Variants in HERC1 observed in about 807,000 individuals in gnomAD.
The protein encoded by HERC1 is HECT and RLD domain containing E3 ubiquitin protein ligase family member 1.
A neutral mutation model predicts 554.3 loss-of-function variants in HERC1; 160 were observed. The ratio of observed to expected loss-of-function variants is 0.29; its 90% CI spans 0.25 to 0.33. The LOEUF (loss-of-function observed/expected upper bound fraction) is 0.33, where lower values mean the gene tolerates loss of function less well. HERC1 is among the 10% of genes least tolerant of loss of function. The pLI is 1.00. For synonymous variants in HERC1, 2,175 were observed against 2,131.7 expected, an observed-to-expected ratio of 1.02 and a Z score of -0.56; for missense variants, 4,919 against 5,918.5, an observed-to-expected ratio of 0.83 and a Z score of 5.54.
rs190696191 is a variant in HERC1, at chr15:63,649,158, T to G, written c.10747+567A>C. Among the ~76,000 whole-genome samples the G allele has an allele frequency of 1.9e-3, 283 of 152,118 alleles. 1 individual carries two copies. Among genetic ancestry groups the G allele is most frequent in the African/African-American group, 3.5e-3 (147 of 41,510 alleles). On this transcript the variant is annotated intron_variant, in intron 54 of 77. Coordinates refer to ENST00000443617, the MANE Select transcript of HERC1 (RefSeq NM_003922.4). ...TCACAAGGTGAGGAGATCGAGACCA[T>G]CCTGGCCAACATGGTGAAACCCTGT...
At position 63,678,099 on chromosome 15, in the gene HERC1, C is replaced by T. The variant is rs374040576; in HGVS notation, c.6816G>A (p.Glu2272=). 9 of 1,613,852 alleles carry T rather than the reference C, an allele frequency of 5.6e-6. No homozygotes were observed. The highest frequency in any genetic ancestry group is 1.6e-4 in the Middle Eastern group (1 of 6,084). ...QSREENEMRE[E]KESKEEEKGK... is the part of the protein sequence containing the mutation. ...CTTTCTCTTCCTCTTTGCTCTCCTT[C>T]TCCTCTCTCATTTCATTTTCCTCTC... Residue 2272 remains glutamate, a synonymous_variant, in exon 37 of 78, where the codon GAG becomes GAA. Coordinates refer to ENST00000443617, the MANE Select transcript of HERC1 (RefSeq NM_003922.4).
Position 63,651,233 on chromosome 15 carries a change from A to T in HERC1, c.10546+20T>A. The T allele has an allele frequency of 6.2e-7, 1 of 1,612,052 alleles. No homozygotes were observed. The highest frequency in any genetic ancestry group is 2.2e-5 in the East Asian group (1 of 44,848). ...AAAAAACTACTTTCAGCAGTTTACT[A>T]GTGTTTACATGACTCTTACCATTAA... On this transcript the variant is annotated intron_variant, in intron 53 of 77. Transcript: ENST00000443617.
Position 63,698,335 on chromosome 15 carries a change from T to C in HERC1, c.4905+393A>G, listed in dbSNP as rs546462188. Among the ~76,000 whole-genome samples, 5 of 151,620 alleles carry C rather than the reference T, an allele frequency of 3.3e-5. No homozygotes were observed. The South Asian group carries it at 1.0e-3, about 32-fold the overall frequency. On this transcript the variant is annotated intron_variant, in intron 26 of 77. Transcript: ENST00000443617. Reference sequence around the variant, plus strand: ...CTGGAGGCTGAGGCAGGAGAATCACTTGAACCCAGGAGGCAGAGGTTCCAG... The same window carrying C: ...CTGGAGGCTGAGGCAGGAGAATCACCTGAACCCAGGAGGCAGAGGTTCCAG...
intron 15 of HERC1, 26 bp from the exon 16 acceptor site, chr15:63,729,394 T>A (rs1251047544): frequency 6.3e-7 from 1 of 1,592,816 alleles, no homozygotes; most frequent in Non-Finnish European, 8.5e-7. Context: ...GTTCCTAAAT[T>A]ACTACTTTGA....
At chr15:63,824,888 T>TAA (rs528035063) in intron 1 of HERC1, among the ~76,000 whole-genome samples, 1 of 144,208 alleles carries the variant, frequency 6.9e-6, no homozygotes, top group Non-Finnish European at 1.5e-5. Flanking sequence ...TGTGGAATCT[T>TAA]AAAAAAAAAA....
rs374706985 is a variant in HERC1, at chr15:63,626,171, T to C, written c.13106-17A>G. 2.5e-6 allele frequency: 4 copies of C among 1,608,662 alleles called. No homozygotes were observed. Among genetic ancestry groups the C allele is most frequent in the South Asian group, 1.1e-5 (1 of 89,896 alleles). On this transcript the variant is annotated splice_polypyrimidine_tract_variant and intron_variant, in intron 70 of 77. Transcript: ENST00000443617. ...CTGACACACCTGTCCAGAAAGCAAA[T>C]GGGCACTTATGAAGGAAACAGCATT... is the stretch of plus-strand genomic sequence containing the variant.
intron 1 of HERC1, among the ~76,000 whole-genome samples, chr15:63,824,558 A>G (rs1167398159): frequency 6.6e-6 from 1 of 151,662 alleles, no homozygotes; most frequent in Non-Finnish European, 1.5e-5. Context: ...AATTAAAAAG[A>G]AAACCACCAT....
chr15:63,641,762 T>C, intron 59 of HERC1, 119 bp from the exon 60 acceptor site: 1 of 788,900 alleles, frequency 1.3e-6, no homozygotes, highest in Non-Finnish European at 1.9e-6. Context: ...TTGGATATTT[T>C]ATATCCAAAA....
At chr15:63,623,940 C>A in intron 72 of HERC1, 50 bp from the exon 73 acceptor site, 1 of 1,580,652 alleles carries the variant, frequency 6.3e-7, no homozygotes, top group South Asian at 1.1e-5. Flanking sequence ...ACCAATTTCC[C>A]CAAAATCACA....
intron 1 of HERC1, among the ~76,000 whole-genome samples, chr15:63,809,148 G>A (rs1219700965): frequency 6.6e-6 from 1 of 152,160 alleles, no homozygotes; most frequent in Non-Finnish European, 1.5e-5. Flanking sequence ...GGTATCAAAA[G>A]AAATAGGGAT....
In HERC1 at chr15:63,637,579, T is replaced by A; in HGVS notation, c.12158A>T (p.Glu4053Val). The A allele has an allele frequency of 6.4e-7, 1 of 1,556,948 alleles. No individual in the cohort carries two copies. Among genetic ancestry groups the A allele is most frequent in the Non-Finnish European group, 8.7e-7 (1 of 1,149,090 alleles). ...QANGTVLACG[E>V]GSYGRLGQGN... is the part of the protein sequence containing the mutation. ...TTGTCCTAATCTGCCATAACTTCCT[T>A]CCCCACAAGCCAACACTGTGCCATT... Residue 4053 changes from glutamate (E) to valine (V), a missense_variant, in exon 64 of 78, where the codon GAA becomes GTA. Transcript: ENST00000443617.
chr15:63,833,108 G>A (rs755962355), intron 1 of HERC1, among the ~76,000 whole-genome samples: 77 of 152,148 alleles, frequency 5.1e-4, no homozygotes, highest in Admixed American at 8.5e-4. Flanking sequence ...ACCCATCACA[G>A]AACAGATTTC....
rs1274889987 is a variant in HERC1 at position 63,636,145 on chromosome 15, G to A, written c.12233-3C>T. 1 of 1,612,630 alleles carries A rather than the reference G, an allele frequency of 6.2e-7. No individual in the cohort carries two copies. The highest frequency in any genetic ancestry group is 1.1e-5 in the South Asian group (1 of 90,932). On this transcript the variant is annotated splice_region_variant and splice_polypyrimidine_tract_variant and intron_variant, in intron 64 of 77. Transcript: ENST00000443617. ...CACCAGCTGGGTCACCACAAAGCCT[G>A]GAACAGAACAGAAACCCAACAGGAG...
rs191320138 is a variant in HERC1 at position 63,648,223 on chromosome 15, T to G, written c.10748-24A>C. ...CACTAACATGATCAAAACAAAAGAG[T>G]AAGGAAAAGATAATTATTTGTCATT... On this transcript the variant is annotated intron_variant, in intron 54 of 77. Transcript: ENST00000443617. The G allele has an allele frequency of 7.6e-6, 12 of 1,580,116 alleles. No individual in the cohort carries two copies. In the African/African-American group the frequency reaches 1.6e-4, roughly 21 times the overall value.
chr15:63,781,554 T>C (rs2414823), intron 1 of HERC1, among the ~76,000 whole-genome samples: 123,622 of 152,140 alleles, frequency 0.81, 52,081 homozygotes, highest in Non-Finnish European at 0.87. Context: ...GGTACGTGTT[T>C]TGACTGCTCT....
intron 1 of HERC1, among the ~76,000 whole-genome samples, chr15:63,804,008 T>C (rs2077064951): frequency 6.6e-6 from 1 of 152,196 alleles, no homozygotes; most frequent in South Asian, 2.1e-4. Context: ...GATGCTTATC[T>C]AAAGTGTCAA....
Position 63,749,242 on chromosome 15 carries a change from C to T in HERC1, c.2219+125G>A. On this transcript the variant is annotated intron_variant, in intron 10 of 77. Coordinates refer to ENST00000443617, the MANE Select transcript of HERC1 (RefSeq NM_003922.4). The surrounding 1 kb of genome is among the most constrained non-coding windows in gnomAD (Gnocchi z 4.1). ...TTTCTATGATAGAGAAAAAGCAATA[C>T]TATATATGTTCAGAAGAGTATTTTA... 1 of 708,294 alleles carries T rather than the reference C, an allele frequency of 1.4e-6. No individual in the cohort carries two copies. 43.9% of individuals were successfully genotyped at this position (708,294 alleles called of 1,614,324 possible).
intron 1 of HERC1, 80 bp downstream of exon 1, chr15:63,833,747 G>C (rs113208657): frequency 4.2e-5 from 5 of 117,804 alleles, no homozygotes; most frequent in Admixed American, 3.9e-4. Context: ...GCACACACGC[G>C]CGCGCGCACA....
At chr15:63,822,041 G>C (rs975807602) in intron 1 of HERC1, among the ~76,000 whole-genome samples, 1 of 152,106 alleles carries the variant, frequency 6.6e-6, no homozygotes, top group Non-Finnish European at 1.5e-5. Context: ...CTCTCTACAG[G>C]GGTGAAGTCT....
Sources: allele counts gnomAD v4.1 joint callset (sites outside exome capture counted in the v4.1 genomes callset), GRCh38; gene constraint gnomAD v4.1.1; non-coding constraint Gnocchi (gnomAD v3.1); transcripts MANE v1.5; gene names NCBI Gene and HGNC (gene_info 2026-07-23, HGNC 2026-07-21).